Variants in ZNF704 observed in about 807,000 individuals in gnomAD.
ZNF704 encodes zinc finger protein 704.
ZNF704 carries 10 observed loss-of-function variants against 44.7 expected under a neutral mutation model. That is an observed-to-expected ratio of 0.22 (90% CI 0.14 to 0.38). ZNF704 has a LOEUF of 0.38. Ranked by LOEUF, ZNF704 falls within the 10% of genes least tolerant of loss-of-function variation. The pLI, the probability that ZNF704 is intolerant of heterozygous loss-of-function variation, is 1.00. For missense variants in ZNF704, 390 were observed against 545.5 expected (o/e 0.71, Z 2.84); for synonymous variants, 211 against 207.6 (o/e 1.02, Z -0.14).
intron 5 of ZNF704, among the ~76,000 whole-genome samples, chr8:80,669,273 G>C: frequency 6.6e-6 from 1 of 152,190 alleles, no homozygotes. Context: ...GAATTGTCTT[G>C]ACGATGAGAT....
chr8:80,738,713 G>A (rs1806706873), intron 2 of ZNF704, among the ~76,000 whole-genome samples: 3 of 152,074 alleles, frequency 2.0e-5, no homozygotes, highest in Admixed American at 1.3e-4. Context: ...ATGGTATCTT[G>A]TTGAATATTG....
At chr8:80,879,240 AT>A (rs34086990), upstream of ZNF704, among the ~76,000 whole-genome samples, 40 of 146,416 alleles carry the variant, frequency 2.7e-4, no homozygotes, top group African/African-American at 7.3e-4. Context: ...ATGCATGTCA[AT>A]TTTTTTTTTT....
At chr8:80,853,391 T>C (rs532066802) in intron 1 of ZNF704, among the ~76,000 whole-genome samples, 1 of 152,144 alleles carries the variant, frequency 6.6e-6, no homozygotes, top group African/African-American at 2.4e-5. Flanking sequence ...CTATGAAAAA[T>C]GAGTTAAATT....
chr8:80,760,208 GTAA>G (rs1272971243), intron 2 of ZNF704, among the ~76,000 whole-genome samples: 1 of 152,114 alleles, frequency 6.6e-6, no homozygotes, highest in Non-Finnish European at 1.5e-5. Context: ...TTGTTATCCA[GTAA>G]TAAATAATAC....
chr8:80,645,799 A>G, intron 7 of ZNF704, among the ~76,000 whole-genome samples: 1 of 152,256 alleles, frequency 6.6e-6, no homozygotes, highest in Admixed American at 6.5e-5. Context: ...TAGCAATGCA[A>G]GTATGGCCTA....
chr8:80,849,195 C>T (rs929293200), intron 1 of ZNF704, among the ~76,000 whole-genome samples: 5 of 152,124 alleles, frequency 3.3e-5, no homozygotes, highest in African/African-American at 1.2e-4. Flanking sequence ...ACTGCAACAT[C>T]TCAACAAATC....
rs1441425197 is a variant in ZNF704, at chr8:80,874,326, C to G, written c.-22+245G>C. ...GCGAGCGGCGCGCTGCCGCCTCCGC[C>G]GCCGCCGCCGCCGCCCGGGAGCCGC... On this transcript the variant is annotated intron_variant, in intron 1 of 8. Transcript: ENST00000327835. This position sits in a 1 kb window ranked among gnomAD's most constrained non-coding sequence, Gnocchi z 4.4. Among the ~76,000 whole-genome samples the G allele has an allele frequency of 6.9e-6, 1 of 144,716 alleles. No individual in the cohort carries two copies. Among genetic ancestry groups the G allele is most frequent in the Non-Finnish European group, 1.5e-5 (1 of 65,190 alleles). 94.9% of individuals were successfully genotyped at this position (144,716 alleles called of 152,430 possible). A position where few individuals can be genotyped will look rare whatever the true frequency, so the allele number is the denominator to read the frequency against.
chr8:80,738,995 G>T (rs1267906896), intron 2 of ZNF704, among the ~76,000 whole-genome samples: 9 of 152,034 alleles, frequency 5.9e-5, no homozygotes, highest in Non-Finnish European at 1.0e-4. Flanking sequence ...GGACAAGCAG[G>T]AACTGTTAGT....
intron 1 of ZNF704, among the ~76,000 whole-genome samples, chr8:80,836,286 C>A (rs2129945898): frequency 6.6e-6 from 1 of 152,326 alleles, no homozygotes. Flanking sequence ...CATACCCCTG[C>A]ATCCAGGCCT....
intron 2 of ZNF704, among the ~76,000 whole-genome samples, chr8:80,705,424 G>A (rs1818880776): frequency 6.6e-6 from 1 of 151,552 alleles, no homozygotes; most frequent in Non-Finnish European, 1.5e-5. Context: ...CTGTGTTTGT[G>A]TTCATGTGGG....
At position 80,628,891 on chromosome 8, in the gene ZNF704, A is replaced by G. The variant is rs1437502894; in HGVS notation, c.*12475T>C. On this transcript the variant is annotated 3_prime_UTR_variant, in exon 9 of 9. Coordinates refer to ENST00000327835, the MANE Select transcript of ZNF704 (RefSeq NM_001033723.3). ...AACATTTGGTGGTCTCTTGATGCCC[A>G]TTTCAAGTAGATGCCAGCTGTCCCC... 1 of 152,232 alleles carries G rather than the reference A, an allele frequency of 6.6e-6. No individual in the cohort carries two copies. Among genetic ancestry groups the G allele is most frequent in the African/African-American group, 2.4e-5 (1 of 41,470 alleles). The allele number at this position is 152,232 out of a possible 1,614,324, so 9.4% of individuals were successfully genotyped here.
intron 2 of ZNF704, among the ~76,000 whole-genome samples, chr8:80,747,446 T>C (rs1262388920): frequency 1.3e-5 from 2 of 152,214 alleles, no homozygotes; most frequent in Non-Finnish European, 2.9e-5. Context: ...TTTTATTTTA[T>C]ATGCTACACA....
chr8:80,806,131 T>A (rs1239498196), intron 2 of ZNF704, among the ~76,000 whole-genome samples: 1 of 152,240 alleles, frequency 6.6e-6, no homozygotes, highest in Non-Finnish European at 1.5e-5. Flanking sequence ...AAGTCGTGCA[T>A]GATGAATCTT....
At chr8:80,697,285 C>T (rs548052312) in intron 2 of ZNF704, among the ~76,000 whole-genome samples, 24 of 152,032 alleles carry the variant, frequency 1.6e-4, no homozygotes, top group African/African-American at 4.8e-4. Context: ...TTCATGAACC[C>T]GGGAGTAAGG....
intron 1 of ZNF704, among the ~76,000 whole-genome samples, chr8:80,852,636 C>G (rs1219542689): frequency 1.3e-5 from 2 of 152,156 alleles, no homozygotes; most frequent in South Asian, 4.1e-4. Context: ...GTTTTAATAA[C>G]AGTTTCACGC....
intron 2 of ZNF704, among the ~76,000 whole-genome samples, chr8:80,729,832 G>C (rs746616530): frequency 2.0e-5 from 3 of 152,182 alleles, no homozygotes; most frequent in Non-Finnish European, 4.4e-5. Flanking sequence ...AAGCAGGGCT[G>C]AATAGGTATA....
chr8:80,698,055 G>C (rs958783393), intron 2 of ZNF704, among the ~76,000 whole-genome samples: 4 of 152,170 alleles, frequency 2.6e-5, no homozygotes, highest in African/African-American at 9.7e-5. Flanking sequence ...GAAAAGCCTA[G>C]AGTGCTTGTT....
At chr8:80,878,007 C>G (rs1196310501), upstream of ZNF704, among the ~76,000 whole-genome samples, 2 of 152,184 alleles carry the variant, frequency 1.3e-5, no homozygotes, top group Non-Finnish European at 2.9e-5. Context: ...GCCCTGGACT[C>G]TGTCTTCTTC....
intron 1 of ZNF704, among the ~76,000 whole-genome samples, chr8:80,863,220 T>C (rs1001568031): frequency 6.6e-6 from 1 of 152,140 alleles, no homozygotes; most frequent in Non-Finnish European, 1.5e-5. Flanking sequence ...AACCTGACAA[T>C]CAAAACATTT....
Sources: gnomAD v4.1 joint callset for allele counts (sites outside exome capture counted in the v4.1 genomes callset) on GRCh38, gnomAD v4.1.1 for gene constraint, Gnocchi (gnomAD v3.1) non-coding constraint, MANE v1.5 for transcripts, NCBI Gene and HGNC (gene_info 2026-07-23, HGNC 2026-07-21) for gene names.